Variants in RNF115 observed in about 807,000 individuals in gnomAD.
RNF115 encodes the protein ring finger protein 115.
A neutral mutation model predicts 39.2 loss-of-function variants in RNF115; 31 were observed. The observed-to-expected ratio is 0.79, with a 90% CI of 0.59 to 1.07. The LOEUF (loss-of-function observed/expected upper bound fraction) is 1.07, where lower values mean the gene tolerates loss of function less well. Among genes scored for constraint, RNF115 ranks in the 50% least tolerant of loss-of-function variants. The pLI is 0.00. For missense variants in RNF115, 384 were observed against 381.7 expected, an observed-to-expected ratio of 1.01 and a Z score of -0.05; for synonymous variants, 124 against 131.0, an observed-to-expected ratio of 0.95 and a Z score of 0.37.
chr1:145,768,544 G>A (rs1553715335), intron 4 of RNF115, among the ~76,000 whole-genome samples: 1 of 152,138 alleles, frequency 6.6e-6, no homozygotes, highest in East Asian at 1.9e-4. Context: ...TGGAACTCCT[G>A]ACCTCAAGTG....
intron 4 of RNF115, among the ~76,000 whole-genome samples, chr1:145,767,036 A>C (rs1282004284): frequency 5.7e-5 from 6 of 104,804 alleles, no homozygotes; most frequent in South Asian, 6.4e-4. Context: ...GGCGCCCCTC[A>C]CCTCCCGGAC....
chr1:145,782,734 A>G (rs1648205449), intron 3 of RNF115, among the ~76,000 whole-genome samples: 1 of 152,262 alleles, frequency 6.6e-6, no homozygotes, highest in Non-Finnish European at 1.5e-5. Flanking sequence ...GAAAAATCAA[A>G]TGAAATTTCT....
At chr1:145,788,872 T>C (rs779277516) in intron 2 of RNF115, 36 bp downstream of exon 2, 43 of 1,456,436 alleles carry the variant, frequency 3.0e-5, no homozygotes, top group African/African-American at 1.4e-4. Flanking sequence ...GTTTTGATAA[T>C]AGAATGTCTG....
At chr1:145,778,504 T>A (rs1680647) in intron 3 of RNF115, among the ~76,000 whole-genome samples, 1 of 151,940 alleles carries the variant, frequency 6.6e-6, no homozygotes, top group African/African-American at 2.4e-5. Context: ...CAAAAAATAA[T>A]ATTAGAGTGT....
chr1:145,766,549 C>G (rs1315973117), intron 4 of RNF115, among the ~76,000 whole-genome samples: 11 of 151,516 alleles, frequency 7.3e-5, no homozygotes, highest in African/African-American at 2.7e-4. Flanking sequence ...CAGAGGGGCT[C>G]CTCACTTCCC....
At chr1:145,786,210 G>A (rs1553718075) in intron 2 of RNF115, among the ~76,000 whole-genome samples, 1 of 152,152 alleles carries the variant, frequency 6.6e-6, no homozygotes, top group East Asian at 1.9e-4. Flanking sequence ...ATGTTACAAA[G>A]CTTAAGAAAA....
rs782610974 is a variant in RNF115, at chr1:145,823,793, G to A, written c.81C>T (p.Gly27=). 8 of 1,583,406 alleles carry A rather than the reference G, an allele frequency of 5.1e-6. No individual in the cohort carries two copies. In the Admixed American group the frequency reaches 1.2e-4, roughly 24 times the overall value. Residue 27 remains glycine (G), a synonymous_variant, in exon 1 of 9, where the codon GGC becomes GGT. Coordinates refer to ENST00000582693, the MANE Select transcript of RNF115 (RefSeq NM_014455.4). The part of the protein sequence containing the change: ...AHRFFCHFCK[G]EVSPKLPEYI... ...TTACCGGTAGTTTGGGGCTGACCTC[G>A]CCCTTGCAAAAGTGGCAGAAAAACC...
chr1:145,779,037 CTATGT>C (rs1212594657), intron 3 of RNF115, among the ~76,000 whole-genome samples: 3 of 152,100 alleles, frequency 2.0e-5, no homozygotes, highest in African/African-American at 7.2e-5. Flanking sequence ...GTCTGGTGTT[CTATGT>C]TTTCTCAGTA....
chr1:145,753,191 T>C, intron 4 of RNF115, 142 bp from the exon 5 acceptor site: 1 of 611,818 alleles, frequency 1.6e-6, no homozygotes, highest in Non-Finnish European at 2.9e-6. Flanking sequence ...GCATCAGAAA[T>C]CAGCCTGCCA....
chr1:145,800,720 A>G (rs587659171), intron 1 of RNF115, among the ~76,000 whole-genome samples: 3 of 152,346 alleles, frequency 2.0e-5, no homozygotes, highest in Admixed American at 1.3e-4. Context: ...ATCTGACCAC[A>G]ACCACATGAA....
intron 5 of RNF115, 76 bp downstream of exon 5, chr1:145,752,902 C>T: frequency 9.3e-7 from 1 of 1,077,916 alleles, no homozygotes; most frequent in Non-Finnish European, 1.4e-6. Flanking sequence ...AGCTCTTTTT[C>T]TCTACTGCAC....
chr1:145,747,051 G>T, intron 8 of RNF115, 54 bp from the exon 9 acceptor site: 1 of 1,546,152 alleles, frequency 6.5e-7, no homozygotes. Context: ...GAAGCTGGGA[G>T]TATTGTACAC....
chr1:145,795,592 C>A (rs1237169751), intron 1 of RNF115, among the ~76,000 whole-genome samples: 1 of 152,084 alleles, frequency 6.6e-6, no homozygotes, highest in Non-Finnish European at 1.5e-5. Flanking sequence ...TCTCCAAGTC[C>A]CCACCCAATC....
chr1:145,823,960 G>C lies in RNF115; in HGVS notation c.-87C>G, dbSNP rs1650457270. On this transcript the variant is annotated 5_prime_UTR_variant, in exon 1 of 9. Transcript: ENST00000582693. ...CTCCCGAGCTGCAGTCGTCGCCGCC[G>C]CCGCCGCCTCGGTGCGGCCCACCGC... 1 of 972,152 alleles carries C rather than the reference G, an allele frequency of 1.0e-6. No homozygotes were observed. Among genetic ancestry groups the C allele is most frequent in the South Asian group, 2.1e-5 (1 of 48,094 alleles). 60.2% of individuals were successfully genotyped at this position (972,152 alleles called of 1,614,324 possible). A position where few individuals can be genotyped will look rare whatever the true frequency, so the allele number is the denominator to read the frequency against.
chr1:145,796,540 C>G (rs1648990724), intron 1 of RNF115, among the ~76,000 whole-genome samples: 1 of 151,808 alleles, frequency 6.6e-6, no homozygotes, highest in Non-Finnish European at 1.5e-5. Flanking sequence ...GTGCATCCCA[C>G]TGCACCTGGC....
chr1:145,749,397 T>A (rs1331669464), intron 7 of RNF115, among the ~76,000 whole-genome samples: 3 of 152,116 alleles, frequency 2.0e-5, no homozygotes, highest in Non-Finnish European at 4.4e-5. Context: ...TTCACTTGGA[T>A]TCTCAGCTGG....
At position 145,784,515 on chromosome 1, in the gene RNF115, TC is replaced by T. The variant is rs781812119; in HGVS notation, c.219+23del. On this transcript the variant is annotated intron_variant, in intron 3 of 8. Coordinates refer to ENST00000582693, the MANE Select transcript of RNF115 (RefSeq NM_014455.4). ...AACACCTAACCACTTCTTAAAGAAT[TC>T]CTACAGCTAAAGGAAAACTTACCTC... 2.1e-5 allele frequency: 34 copies of T among 1,607,750 alleles called. 1 individual carries two copies. The South Asian group carries it at 3.5e-4, about 17-fold the overall frequency.
chr1:145,747,606 G>A (rs1553711924), intron 8 of RNF115, among the ~76,000 whole-genome samples: 1 of 152,136 alleles, frequency 6.6e-6, no homozygotes, highest in South Asian at 2.1e-4. Flanking sequence ...TCACGCCACT[G>A]CACTCCAGTC....
chr1:145,759,286 G>A (rs180773660), intron 4 of RNF115, among the ~76,000 whole-genome samples: 6 of 152,200 alleles, frequency 3.9e-5, no homozygotes, highest in Non-Finnish European at 5.9e-5. Context: ...ATTATCTCCA[G>A]CCAAGACCTC....
Sources: allele counts gnomAD v4.1 joint callset (sites outside exome capture counted in the v4.1 genomes callset), GRCh38; gene constraint gnomAD v4.1.1; transcripts MANE v1.5; gene names NCBI Gene and HGNC (gene_info 2026-07-23, HGNC 2026-07-21).